UHRF2: variants seen among roughly 807,000 people sequenced by gnomAD.
UHRF2 encodes E3 ubiquitin-protein ligase UHRF2.
UHRF2 carries 23 observed loss-of-function variants against 96.8 expected under a neutral mutation model. The observed-to-expected ratio is 0.24, with a 90% CI of 0.17 to 0.34. The LOEUF is 0.34. UHRF2 is among the 10% of genes least tolerant of loss of function. The pLI, the probability that UHRF2 is intolerant of heterozygous loss-of-function variation, is 1.00. For missense variants in UHRF2, 685 were observed against 981.5 expected (o/e 0.70, Z 4.04); for synonymous variants, 385 against 332.6 (o/e 1.16, Z -1.72).
chr9:6,435,153 C>G (rs774337693), intron 3 of UHRF2, among the ~76,000 whole-genome samples: 1 of 152,112 alleles, frequency 6.6e-6, no homozygotes, highest in Non-Finnish European at 1.5e-5. Flanking sequence ...ACCACCACGC[C>G]TGGCTAATTT....
At chr9:6,490,669 AT>A (rs1824605788) in intron 9 of UHRF2, among the ~76,000 whole-genome samples, 1 of 152,138 alleles carries the variant, frequency 6.6e-6, no homozygotes, top group Non-Finnish European at 1.5e-5. Flanking sequence ...TATGAAGTTT[AT>A]TTTCTTGTTT....
At chr9:6,456,270 G>C (rs1476153785) in intron 3 of UHRF2, among the ~76,000 whole-genome samples, 1 of 152,010 alleles carries the variant, frequency 6.6e-6, no homozygotes, top group African/African-American at 2.4e-5. Context: ...TTTGATGTGC[G>C]TTTCTCTAAT....
At position 6,504,704 on chromosome 9, in the gene UHRF2, C is replaced by T. The variant is rs769624793; in HGVS notation, c.2262+13C>T. Reference sequence around the variant, plus strand: ...CAATGTCTGTAAAGTAAGTAGAATTCCTTCCTCACTTTCCCTGTTAGGTAT... The same window carrying T: ...CAATGTCTGTAAAGTAAGTAGAATTTCTTCCTCACTTTCCCTGTTAGGTAT... On this transcript the variant is annotated intron_variant, in intron 15 of 15. Transcript: ENST00000276893. 6.3e-7 allele frequency: 1 copy of T among 1,598,052 alleles called. No individual in the cohort carries two copies. Among genetic ancestry groups the T allele is most frequent in the South Asian group, 1.1e-5 (1 of 89,954 alleles).
intron 2 of UHRF2, among the ~76,000 whole-genome samples, chr9:6,428,218 T>A (rs1820365786): frequency 6.6e-6 from 1 of 152,214 alleles, no homozygotes; most frequent in African/African-American, 2.4e-5. Context: ...TCTTGATGTT[T>A]AACCTTTTTG....
chr9:6,466,576 A>ACAG (rs1386181544), intron 4 of UHRF2, among the ~76,000 whole-genome samples: 17 of 150,818 alleles, frequency 1.1e-4, no homozygotes, highest in African/African-American at 4.1e-4. Flanking sequence ...AAAAAAAGCT[A>ACAG]CAGATGCATT....
intron 1 of UHRF2, among the ~76,000 whole-genome samples, chr9:6,418,434 C>G (rs564883121): frequency 1.3e-5 from 2 of 151,958 alleles, no homozygotes; most frequent in South Asian, 4.2e-4. Context: ...AATTCTTGAT[C>G]CCTTGTTCTA....
chr9:6,489,930 T>G (rs1824559700), intron 9 of UHRF2, among the ~76,000 whole-genome samples: 1 of 152,172 alleles, frequency 6.6e-6, no homozygotes, highest in African/African-American at 2.4e-5. Flanking sequence ...CATGGCAAAG[T>G]AAATGGAAAT....
intron 8 of UHRF2, among the ~76,000 whole-genome samples, chr9:6,482,342 C>T (rs1380078046): frequency 6.6e-6 from 1 of 152,088 alleles, no homozygotes; most frequent in East Asian, 1.9e-4. Context: ...GTGGTAGTAA[C>T]CATTATTGTT....
chr9:6,458,946 T>G (rs1033438916), intron 3 of UHRF2, among the ~76,000 whole-genome samples: 3 of 152,134 alleles, frequency 2.0e-5, no homozygotes, highest in Non-Finnish European at 2.9e-5. Flanking sequence ...AAACCATCAT[T>G]CTCAGCAAAC....
chr9:6,475,551 A>G (rs1383298243), intron 5 of UHRF2, 51 bp downstream of exon 5: 3 of 1,111,020 alleles, frequency 2.7e-6, no homozygotes, highest in Non-Finnish European at 1.3e-6. Context: ...ACATGATTGA[A>G]CTTTATTTTT....
Position 6,434,158 on chromosome 9 carries a change from A to G in UHRF2, c.629A>G (p.His210Arg). The G allele has an allele frequency of 1.2e-6, 2 of 1,612,996 alleles. No homozygotes were observed. The highest frequency in any genetic ancestry group is 8.5e-7 in the Non-Finnish European group (1 of 1,179,246). ...GCTGCTGATGAAGACGTTATTTACCATATCCAGTATGATGAGTAAGTGCTC... is the reference window on the plus strand; with the variant it reads ...GCTGCTGATGAAGACGTTATTTACCGTATCCAGTATGATGAGTAAGTGCTC... ...CVAADEDVIY[H>R]IQYDEYPESG... Residue 210 changes from histidine (H) to arginine (R), a missense_variant, in exon 3 of 16, where the codon CAT (histidine) becomes CGT (arginine). By Grantham distance (29) the His-to-Arg change is conservative (BLOSUM62 0). Transcript: ENST00000276893.
intron 6 of UHRF2, among the ~76,000 whole-genome samples, 197 bp from the exon 7 acceptor site, chr9:6,481,446 T>G (rs921870409): frequency 6.6e-6 from 1 of 152,182 alleles, no homozygotes; most frequent in Non-Finnish European, 1.5e-5. Context: ...TCTAAAGGAA[T>G]GACAAGGATA....
In UHRF2 at chr9:6,500,109, G is replaced by C. The variant is rs183184816; in HGVS notation, c.2005+178G>C. Among the ~76,000 whole-genome samples the C allele has an allele frequency of 2.4e-4, 37 of 151,912 alleles. 1 individual carries two copies. The South Asian group carries it at 5.0e-3, about 21-fold the overall frequency. On this transcript the variant is annotated intron_variant, in intron 13 of 15. Coordinates refer to ENST00000276893, the MANE Select transcript of UHRF2 (RefSeq NM_152896.3). ...TACCTCAACCTCTGAAGTAGCCCAC[G>C]GCTGTACACCACCACACCTGGCTAA...
chr9:6,452,592 T>G (rs1232085680), intron 3 of UHRF2, among the ~76,000 whole-genome samples: 1 of 152,174 alleles, frequency 6.6e-6, no homozygotes, highest in Non-Finnish European at 1.5e-5. Flanking sequence ...AGATTTTAAC[T>G]AAGGATATAG....
At chr9:6,474,653 C>T (rs919124921) in intron 4 of UHRF2, among the ~76,000 whole-genome samples, 9 of 152,240 alleles carry the variant, frequency 5.9e-5, no homozygotes, top group Non-Finnish European at 1.3e-4. Context: ...CTACAGTGAG[C>T]CAAGATTGCA....
intron 3 of UHRF2, among the ~76,000 whole-genome samples, chr9:6,442,915 A>G (rs565572223): frequency 6.6e-6 from 1 of 152,300 alleles, no homozygotes; most frequent in African/African-American, 2.4e-5. Flanking sequence ...TCAGTCTTAC[A>G]GTTCAGTTAA....
intron 4 of UHRF2, among the ~76,000 whole-genome samples, chr9:6,466,573 G>C (rs1437393356): frequency 4.3e-5 from 5 of 117,336 alleles, no homozygotes; most frequent in Non-Finnish European, 7.1e-5. Flanking sequence ...AAAAAAAAAA[G>C]CTACAGATGC....
chr9:6,445,560 C>A (rs1030794088), intron 3 of UHRF2, among the ~76,000 whole-genome samples: 3 of 152,044 alleles, frequency 2.0e-5, no homozygotes, highest in African/African-American at 7.2e-5. Context: ...CACGCCTAGC[C>A]TCTTTATTTA....
At chr9:6,463,062 A>C (rs1343119596) in intron 4 of UHRF2, among the ~76,000 whole-genome samples, 1 of 151,910 alleles carries the variant, frequency 6.6e-6, no homozygotes, top group African/African-American at 2.4e-5. Context: ...TGGGTGGATC[A>C]CCTGAGGTCA....
Sources: gnomAD v4.1 joint callset for allele counts (sites outside exome capture counted in the v4.1 genomes callset) on GRCh38, gnomAD v4.1.1 for gene constraint, MANE v1.5 for transcripts, NCBI Gene and HGNC (gene_info 2026-07-23, HGNC 2026-07-21) for gene names.